MAOB: variants seen among roughly 807,000 people sequenced by gnomAD.
MAOB encodes the protein amine oxidase [flavin-containing] B.
Under a neutral mutation model 41.9 loss-of-function variants are expected in MAOB, and 15 were observed. The observed-to-expected ratio is 0.36, with a 90% CI of 0.24 to 0.55. The LOEUF is 0.55. Ranked by LOEUF, MAOB falls within the 20% of genes least tolerant of loss-of-function variation. The probability of loss-of-function intolerance (pLI) is 0.86; values close to 1 mark genes in which losing one functional copy is unlikely to be tolerated. For synonymous variants in MAOB, 167 were observed against 144.2 expected (o/e 1.16, Z -1.13); for missense variants, 345 against 398.7 (o/e 0.87, Z 1.15).
rs370820554 is a variant in MAOB at position 43,838,968 on chromosome X, T to C, written c.179A>G (p.Tyr60Cys). The change falls in exon 3 of 15, where the codon TAT becomes TGT. Residue 60 changes from tyrosine to cysteine, a missense_variant. Coordinates refer to ENST00000378069, the MANE Select transcript of MAOB (RefSeq NM_000898.5). Reference protein sequence around the residue: ...KVKYVDLGGSYVGPTQNRILR... With the variant: ...KVKYVDLGGSCVGPTQNRILR... ...GATACGATTCTGGGTTGGTCCAACA[T>C]AGGATCCTCCAAGGTCCACATATTT... 4.2e-6 allele frequency: 5 copies of C among 1,198,117 alleles called. No individual in the cohort carries two copies. In the African/African-American group the frequency reaches 5.3e-5, roughly 13 times the overall value.
Position 43,856,748 on chromosome X carries a change from A to G in MAOB, c.47-12984T>C, listed in dbSNP as rs62589719. On this transcript the variant is annotated intron_variant, in intron 1 of 14. Transcript: ENST00000378069. ...TTTACTATTCATTAAGTGGAAGTGGATCATCAAAAAGGCTTCATCATTGTT... is the reference window on the plus strand; with the variant it reads ...TTTACTATTCATTAAGTGGAAGTGGGTCATCAAAAAGGCTTCATCATTGTT... Among the ~76,000 whole-genome samples the G allele has an allele frequency of 9.2e-3, 1,015 of 109,938 alleles. 6 individuals are homozygous for G. Among genetic ancestry groups the G allele is most frequent in the Middle Eastern group, 0.019 (4 of 214 alleles).
intron 1 of MAOB, among the ~76,000 whole-genome samples, chrX:43,852,495 T>C (rs763042603): frequency 1.8e-5 from 2 of 111,923 alleles, no homozygotes; most frequent in Non-Finnish European, 3.8e-5. Context: ...TAGTTGGATA[T>C]ACTGGAATAA....
chrX:43,853,590 A>C (rs2035269466), intron 1 of MAOB, among the ~76,000 whole-genome samples: 1 of 112,086 alleles, frequency 8.9e-6, no homozygotes, highest in Non-Finnish European at 1.9e-5. Context: ...ATATGGAGAT[A>C]GTCTTTACAG....
chrX:43,859,633 T>C (rs1054026070), intron 1 of MAOB, among the ~76,000 whole-genome samples: 34 of 111,505 alleles, frequency 3.0e-4, no homozygotes, highest in African/African-American at 1.1e-3. Flanking sequence ...TTAAATGAAG[T>C]GTTATTTCTT....
chrX:43,801,151 T>C (rs954235634), intron 5 of MAOB, among the ~76,000 whole-genome samples: 1 of 108,797 alleles, frequency 9.2e-6, no homozygotes, highest in Admixed American at 1.0e-4. Flanking sequence ...TATTATACTT[T>C]AAGTTTTAGG....
intron 14 of MAOB, among the ~76,000 whole-genome samples, chrX:43,768,415 C>T (rs1273845942): frequency 1.8e-5 from 2 of 110,869 alleles, no homozygotes; most frequent in African/African-American, 3.3e-5. Context: ...TCTCCCTCCT[C>T]ATCAAAAAAT....
At chrX:43,866,677 A>G (rs1393577547) in intron 1 of MAOB, among the ~76,000 whole-genome samples, 1 of 112,807 alleles carries the variant, frequency 8.9e-6, no homozygotes, top group Non-Finnish European at 1.9e-5. Flanking sequence ...ACTTAATGCC[A>G]CTAAACTGTA....
intron 11 of MAOB, among the ~76,000 whole-genome samples, chrX:43,778,254 T>C (rs747048731): frequency 9.0e-6 from 1 of 110,919 alleles, no homozygotes; most frequent in African/African-American, 3.3e-5. Flanking sequence ...TTTATGTACC[T>C]GAGTGAGACT....
intron 1 of MAOB, among the ~76,000 whole-genome samples, chrX:43,878,281 G>A (rs942724091): frequency 9.0e-6 from 1 of 110,862 alleles, no homozygotes; most frequent in African/African-American, 3.3e-5. Flanking sequence ...TTTGTCTGTG[G>A]CCCACGCTGG....
chrX:43,791,789 A>C (rs770854027), intron 8 of MAOB, among the ~76,000 whole-genome samples: 6 of 112,193 alleles, frequency 5.3e-5, no homozygotes, highest in Non-Finnish European at 1.1e-4. Flanking sequence ...TAGAATTTTA[A>C]AATCTGATTC....
At position 43,775,052 on chromosome X, in the gene MAOB, G is replaced by GTTTT. The variant is rs1467433800; in HGVS notation, c.1235+122_1235+123insAAAA. The GTTTT allele has an allele frequency of 1.7e-5, 12 of 694,028 alleles. No individual in the cohort carries two copies. In the African/African-American group the frequency reaches 3.3e-4, roughly 19 times the overall value. The allele number at this position is 694,028 out of a possible 1,213,427, so 57.2% of individuals were successfully genotyped here. A position where few individuals can be genotyped will look rare whatever the true frequency, so the allele number is the denominator to read the frequency against. On this transcript the variant is annotated intron_variant, in intron 12 of 14. Coordinates refer to ENST00000378069, the MANE Select transcript of MAOB (RefSeq NM_000898.5). ...ATTCATAAGATACAAAGGAAATTGG[G>GTTTT]TTGTTTTTTTTTTTTTTTTTTGTAT...
chrX:43,779,986 G>GT (rs1263160661), intron 10 of MAOB, among the ~76,000 whole-genome samples: 1 of 111,177 alleles, frequency 9.0e-6, no homozygotes, highest in African/African-American at 3.3e-5. Context: ...TTTCTCCCTG[G>GT]TTTATCTCCT....
chrX:43,842,372 C>T (rs2035146973), intron 2 of MAOB, among the ~76,000 whole-genome samples: 1 of 112,123 alleles, frequency 8.9e-6, no homozygotes, highest in African/African-American at 3.2e-5. Context: ...CACCTCACAC[C>T]TGTTAAAATG....
At chrX:43,770,743 T>TG (rs2034172152) in intron 12 of MAOB, among the ~76,000 whole-genome samples, 1 of 112,034 alleles carries the variant, frequency 8.9e-6, no homozygotes, top group Non-Finnish European at 1.9e-5. Context: ...GAACCATGTC[T>TG]AACAGATGTC....
chrX:43,777,406 A>G (rs1030769172), intron 11 of MAOB, among the ~76,000 whole-genome samples: 12 of 111,543 alleles, frequency 1.1e-4, no homozygotes, highest in Non-Finnish European at 1.9e-5. Flanking sequence ...AAAGCAAAAC[A>G]TATTCCTCAT....
At chrX:43,807,459 G>A (rs891842927) in intron 3 of MAOB, among the ~76,000 whole-genome samples, 1 of 112,211 alleles carries the variant, frequency 8.9e-6, no homozygotes, top group Non-Finnish European at 1.9e-5. Flanking sequence ...TTCATCTGCC[G>A]CTAACTCCAC....
chrX:43,789,973 C>T (rs1181055267), intron 8 of MAOB, among the ~76,000 whole-genome samples: 1 of 111,780 alleles, frequency 8.9e-6, no homozygotes, highest in African/African-American at 3.3e-5. Context: ...GAGTTGGCTA[C>T]CACTGTCTGT....
intron 3 of MAOB, among the ~76,000 whole-genome samples, chrX:43,815,811 C>T (rs1027665089): frequency 1.8e-5 from 2 of 111,869 alleles, no homozygotes; most frequent in African/African-American, 6.5e-5. Context: ...CTGGCAGTAC[C>T]TACTAAAGCT....
chrX:43,815,920 T>C (rs751384168), intron 3 of MAOB, among the ~76,000 whole-genome samples: 5 of 111,907 alleles, frequency 4.5e-5, no homozygotes, highest in African/African-American at 1.3e-4. Context: ...AATAGCAATA[T>C]GGACAAAAAA....
Sources: gnomAD v4.1 joint callset for allele counts (sites outside exome capture counted in the v4.1 genomes callset) on GRCh38, gnomAD v4.1.1 for gene constraint, MANE v1.5 for transcripts, NCBI Gene and HGNC (gene_info 2026-07-23, HGNC 2026-07-21) for gene names.